ERC2: variants seen among roughly 807,000 people sequenced by gnomAD.
The protein encoded by ERC2 is ERC protein 2.
In ERC2, 42 loss-of-function variants were observed where a neutral mutation model predicts 114.8. That is an observed-to-expected ratio of 0.37 (90% CI 0.29 to 0.47). The LOEUF is 0.47. Among genes scored for constraint, ERC2 ranks in the 20% least tolerant of loss-of-function variants. The pLI, the probability that ERC2 is intolerant of heterozygous loss-of-function variation, is 0.99. For missense variants in ERC2, 939 were observed against 1,150.7 expected (o/e 0.82, Z 2.66); for synonymous variants, 454 against 425.5 (o/e 1.07, Z -0.82).
At chr3:56,365,455 T>C (rs2059114293) in intron 2 of ERC2, among the ~76,000 whole-genome samples, 1 of 152,220 alleles carries the variant, frequency 6.6e-6, no homozygotes, top group Non-Finnish European at 1.5e-5. Flanking sequence ...GTTTGCACAA[T>C]GACAAAATCA....
chr3:56,176,817 ACAATAGAGTT>A (rs1247051216), intron 3 of ERC2, among the ~76,000 whole-genome samples: 1 of 152,194 alleles, frequency 6.6e-6, no homozygotes, highest in Non-Finnish European at 1.5e-5. Context: ...CCTCTTCCAT[ACAATAGAGTT>A]GTTGCTAGGA....
chr3:56,010,785 G>A (rs1313792252), intron 8 of ERC2, among the ~76,000 whole-genome samples, 196 bp from the exon 9 acceptor site: 1 of 152,170 alleles, frequency 6.6e-6, no homozygotes, highest in Non-Finnish European at 1.5e-5. Context: ...AACAGCTTTT[G>A]ACTTGTTAAT....
intron 3 of ERC2, 58 bp from the exon 4 acceptor site, chr3:56,173,578 C>A: frequency 6.5e-7 from 1 of 1,530,760 alleles, no homozygotes; most frequent in Non-Finnish European, 9.0e-7. Context: ...TACACCACAA[C>A]CTTTACACAG....
intron 15 of ERC2, among the ~76,000 whole-genome samples, chr3:55,710,494 T>A (rs2063724445): frequency 6.6e-6 from 1 of 152,132 alleles, no homozygotes. Flanking sequence ...GGTTGTTTTT[T>A]TTTTCCTAAC....
intron 2 of ERC2, among the ~76,000 whole-genome samples, chr3:56,343,883 T>A (rs1560631480): frequency 1.3e-5 from 2 of 152,214 alleles, no homozygotes; most frequent in Non-Finnish European, 2.9e-5. Context: ...CAAATTCTGT[T>A]GTTTTCAGAA....
At chr3:55,951,844 C>T (rs563747514) in intron 12 of ERC2, among the ~76,000 whole-genome samples, 1 of 152,022 alleles carries the variant, frequency 6.6e-6, no homozygotes, top group East Asian at 1.9e-4. Context: ...GAAATTGAAA[C>T]AATTAAAATC....
intron 17 of ERC2, among the ~76,000 whole-genome samples, chr3:55,530,903 C>T (rs1424430616): frequency 6.6e-6 from 1 of 152,148 alleles, no homozygotes; most frequent in African/African-American, 2.4e-5. Flanking sequence ...CACAGGAGCA[C>T]GGTTTGGATT....
intron 15 of ERC2, among the ~76,000 whole-genome samples, chr3:55,703,023 G>A (rs151087149): frequency 2.4e-3 from 361 of 152,168 alleles, no homozygotes; most frequent in African/African-American, 8.2e-3. Flanking sequence ...ACTATATTAC[G>A]TCATGACTGT....
At chr3:55,961,589 C>T (rs993894997) in intron 12 of ERC2, among the ~76,000 whole-genome samples, 16 of 152,106 alleles carry the variant, frequency 1.1e-4, no homozygotes, top group African/African-American at 3.9e-4. Context: ...TAGTCCATTG[C>T]CACCAACAGA....
At chr3:56,132,008 C>T (rs1261027391) in intron 6 of ERC2, among the ~76,000 whole-genome samples, 1 of 152,118 alleles carries the variant, frequency 6.6e-6, no homozygotes, top group Non-Finnish European at 1.5e-5. Context: ...CTTGTAAATC[C>T]CACCTTATAT....
chr3:56,075,323 G>A (rs2076922011), intron 7 of ERC2, among the ~76,000 whole-genome samples: 1 of 152,164 alleles, frequency 6.6e-6, no homozygotes, highest in Admixed American at 6.5e-5. Flanking sequence ...AGAGGAAAGA[G>A]GGTGAGGGAG....
intron 6 of ERC2, among the ~76,000 whole-genome samples, chr3:56,134,560 T>G (rs1394574580): frequency 6.6e-6 from 1 of 152,166 alleles, no homozygotes; most frequent in Non-Finnish European, 1.5e-5. Context: ...TATGTGCCCA[T>G]GTGGATTTTT....
intron 14 of ERC2, among the ~76,000 whole-genome samples, chr3:55,819,207 C>T (rs1420671431): frequency 1.3e-5 from 2 of 152,166 alleles, no homozygotes; most frequent in African/African-American, 4.8e-5. Flanking sequence ...ATTAAAAACT[C>T]GTGTGTTTGT....
intron 3 of ERC2, among the ~76,000 whole-genome samples, chr3:56,242,801 C>A (rs929726233): frequency 1.3e-5 from 2 of 152,102 alleles, no homozygotes; most frequent in Non-Finnish European, 2.9e-5. Context: ...AGCACAGAGG[C>A]CATGTTGTAG....
At chr3:56,253,074 A>G (rs1362126497) in intron 3 of ERC2, among the ~76,000 whole-genome samples, 1 of 152,228 alleles carries the variant, frequency 6.6e-6, no homozygotes, top group Non-Finnish European at 1.5e-5. Flanking sequence ...AGCCACAGCC[A>G]GATCTCCAAC....
rs117008094 is a variant in ERC2, at chr3:56,257,733, T to C, written c.1074+38286A>G. Among the ~76,000 whole-genome samples, 45 of 152,370 alleles carry C rather than the reference T, an allele frequency of 3.0e-4. 1 individual carries two copies. In the East Asian group the frequency reaches 7.9e-3, roughly 27 times the overall value. The stretch of plus-strand genomic sequence containing the variant: ...TATTTTCTTTTTTTAAATCTGATTC[T>C]AGCACAGAATGAAGTTTATCATCTT... On this transcript the variant is annotated intron_variant, in intron 3 of 17. Transcript: ENST00000288221.
In ERC2 at chr3:55,691,544, C is replaced by CAAA. The variant is rs748917550; in HGVS notation, c.2848-7688_2848-7686dup. ...GGGCCATGACATTAGATTTGCAATG[C>CAAA]AAAAAAAAAAAAAAAAAAAAAAAAA... On this transcript the variant is annotated intron_variant, in intron 16 of 17. Coordinates refer to ENST00000288221, the MANE Select transcript of ERC2 (RefSeq NM_015576.3). Among the ~76,000 whole-genome samples the CAAA allele has an allele frequency of 4.2e-4, 28 of 67,018 alleles. 5 individuals are homozygous for CAAA. The highest frequency in any genetic ancestry group is 4.5e-4 in the African/African-American group (7 of 15,708). 44.0% of individuals were successfully genotyped at this position (67,018 alleles called of 152,430 possible).
At chr3:56,052,724 G>A (rs975439767) in intron 7 of ERC2, among the ~76,000 whole-genome samples, 1 of 152,180 alleles carries the variant, frequency 6.6e-6, no homozygotes. Context: ...GGGGGAAATG[G>A]AATTTTAAGA....
At chr3:56,262,258 G>A (rs1576151192) in intron 3 of ERC2, among the ~76,000 whole-genome samples, 1 of 152,196 alleles carries the variant, frequency 6.6e-6, no homozygotes, top group Non-Finnish European at 1.5e-5. Context: ...TTGAAGAGCA[G>A]GGGCCACATC....
Sources: allele counts gnomAD v4.1 joint callset (sites outside exome capture counted in the v4.1 genomes callset), GRCh38; gene constraint gnomAD v4.1.1; transcripts MANE v1.5; gene names NCBI Gene and HGNC (gene_info 2026-07-23, HGNC 2026-07-21).